Variants in LINGO2 observed in about 807,000 individuals in gnomAD.
LINGO2 encodes leucine rich repeat and Ig domain containing 2, also known as leucine-rich repeat and immunoglobulin-like domain-containing nogo receptor-interacting protein 2.
LINGO2 carries 14 observed loss-of-function variants against 30.6 expected under a neutral mutation model. That is an observed-to-expected ratio of 0.46 (90% CI 0.30 to 0.72). The LOEUF (loss-of-function observed/expected upper bound fraction) is 0.72. Ranked by LOEUF, LINGO2 falls within the 30% of genes least tolerant of loss-of-function variation. The pLI, the probability that LINGO2 is intolerant of heterozygous loss-of-function variation, is 0.07. For synonymous variants in LINGO2, 317 were observed against 288.5 expected (o/e 1.10, Z -1.00); for missense variants, 729 against 751.7 (o/e 0.97, Z 0.35).
At chr9:28,443,795 G>A (rs958068769) in intron 2 of LINGO2, among the ~76,000 whole-genome samples, 9 of 152,200 alleles carry the variant, frequency 5.9e-5, no homozygotes, top group Non-Finnish European at 8.8e-5. Flanking sequence ...CAAACAGCAC[G>A]TTGATGGTGG....
the LINGO2 span, among the ~76,000 whole-genome samples, chr9:29,054,383 C>T: frequency 0.023 from 3,553 of 152,206 alleles, 80 homozygotes; most frequent in Middle Eastern, 0.044. Context: ...GAAATTGTTT[C>T]TTACATGTTA....
chr9:28,033,691 T>C (rs187704392), intron 4 of LINGO2, among the ~76,000 whole-genome samples: 2 of 152,228 alleles, frequency 1.3e-5, no homozygotes, highest in African/African-American at 4.8e-5. Flanking sequence ...GTTTCTATTC[T>C]GCCCCAATTT....
chr9:28,332,094 T>A (rs13290022), intron 3 of LINGO2, among the ~76,000 whole-genome samples: 27,075 of 152,166 alleles, frequency 0.18, 3,050 homozygotes, highest in Non-Finnish European at 0.25. Flanking sequence ...CACAGTTATG[T>A]GCCATTTAAG....
the LINGO2 span, among the ~76,000 whole-genome samples, chr9:28,919,148 C>T: frequency 2.0e-5 from 3 of 152,132 alleles, no homozygotes; most frequent in East Asian, 5.8e-4. Flanking sequence ...ATATATGAGC[C>T]ACAGAGCATC....
intron 4 of LINGO2, among the ~76,000 whole-genome samples, chr9:28,167,753 A>G (rs1159764034): frequency 6.6e-6 from 1 of 152,172 alleles, no homozygotes; most frequent in African/African-American, 2.4e-5. Flanking sequence ...ATGGTAGGAT[A>G]ATAATTCTTG....
chr9:29,187,954 TTTTC>T, the LINGO2 span, among the ~76,000 whole-genome samples: 1 of 150,894 alleles, frequency 6.6e-6, no homozygotes, highest in Admixed American at 6.6e-5. Flanking sequence ...TTTCCAACTA[TTTTC>T]TTTTTTTTTT....
intron 3 of LINGO2, among the ~76,000 whole-genome samples, chr9:28,307,556 C>A (rs1824420018): frequency 6.6e-6 from 1 of 152,152 alleles, no homozygotes; most frequent in Admixed American, 6.5e-5. Context: ...TCCTATTCAA[C>A]ACAGTGTTGG....
the LINGO2 span, among the ~76,000 whole-genome samples, chr9:29,154,469 A>T: frequency 4.6e-5 from 7 of 151,474 alleles, no homozygotes; most frequent in African/African-American, 1.7e-4. Context: ...AAAAAAAAAA[A>T]ATCTCACATT....
chr9:28,259,182 T>A (rs1174268922), intron 4 of LINGO2, among the ~76,000 whole-genome samples: 1 of 152,004 alleles, frequency 6.6e-6, no homozygotes, highest in Non-Finnish European at 1.5e-5. Context: ...TGACTCAGTC[T>A]ATCAGTTAGA....
the LINGO2 span, among the ~76,000 whole-genome samples, chr9:29,126,568 G>A: frequency 1.3e-5 from 2 of 152,156 alleles, no homozygotes; most frequent in Admixed American, 1.3e-4. Context: ...AGTTCAAGTA[G>A]TATCTTATGT....
the LINGO2 span, among the ~76,000 whole-genome samples, chr9:29,149,180 A>C: frequency 6.6e-6 from 1 of 152,198 alleles, no homozygotes; most frequent in African/African-American, 2.4e-5. Context: ...ATTCTGACCC[A>C]TAAGAAAAAT....
intron 5 of LINGO2, among the ~76,000 whole-genome samples, chr9:28,009,258 T>C (rs553181029): frequency 1.4e-4 from 21 of 151,504 alleles, no homozygotes; most frequent in Non-Finnish European, 2.8e-4. Context: ...AAATGAGTCA[T>C]AGACAAACTA....
At position 28,518,064 on chromosome 9, in the gene LINGO2, C is replaced by A. The variant is rs145305884; in HGVS notation, c.-364-42039G>T. Among the ~76,000 whole-genome samples the A allele has an allele frequency of 1.2e-4, 18 of 152,182 alleles. No homozygotes were observed. In the East Asian group the frequency reaches 3.3e-3, roughly 28 times the overall value. On this transcript the variant is annotated intron_variant, in intron 1 of 5. Coordinates refer to ENST00000379992, the Ensembl canonical transcript of LINGO2. ...AGTCACTGGCATAACAGATAGGGTC[C>A]CAAAATGTGATGTATGGAGCAGAGT... is the stretch of plus-strand genomic sequence containing the variant.
At chr9:28,280,422 G>C (rs538668662) in intron 4 of LINGO2, among the ~76,000 whole-genome samples, 1 of 152,234 alleles carries the variant, frequency 6.6e-6, no homozygotes, top group East Asian at 1.9e-4. Flanking sequence ...ATGTTAGGGA[G>C]AAGTTTGTGA....
rs977717129 is a variant in LINGO2, at chr9:28,644,712, G to A, written c.-365+25488C>T. ...ATAATTGGACTGTTTGTAAAGCAAA[G>A]GATAAATCCTTGATGGAACAGAAGC... On this transcript the variant is annotated intron_variant, in intron 1 of 5. Coordinates refer to ENST00000379992, the Ensembl canonical transcript of LINGO2. 5.3e-5 allele frequency among the ~76,000 whole-genome samples: 8 copies of A among 152,062 alleles called. 1 individual carries two copies. The highest frequency in any genetic ancestry group is 1.9e-4 in the East Asian group (1 of 5,174).
At position 28,329,032 on chromosome 9, in the gene LINGO2, C is replaced by T. The variant is rs890495501; in HGVS notation, c.-245-33666G>A. Among the ~76,000 whole-genome samples, 5 of 152,220 alleles carry T rather than the reference C, an allele frequency of 3.3e-5. No individual in the cohort carries two copies. The highest frequency in any genetic ancestry group is 9.6e-5 in the African/African-American group (4 of 41,548). The stretch of plus-strand genomic sequence containing the variant: ...AGACTTCTCAGGTTCTCACCCCATC[C>T]GTATACGAGCTAGGCCTTATCCCTT... On this transcript the variant is annotated intron_variant, in intron 3 of 5. Transcript: ENST00000379992. The surrounding 1 kb of genome is among the most constrained non-coding windows in gnomAD (Gnocchi z 4.5).
rs10968466 is a variant in LINGO2 at position 28,298,045 on chromosome 9, T to C, written c.-245-2679A>G. On this transcript the variant is annotated intron_variant, in intron 3 of 5. Transcript: ENST00000379992. ...TCCTTGAAGAGAAGTCTATGAGGGGTCATAAGAAGTACCAATTCCATGACA... is the reference window on the plus strand; with the variant it reads ...TCCTTGAAGAGAAGTCTATGAGGGGCCATAAGAAGTACCAATTCCATGACA... Among the ~76,000 whole-genome samples, 2,454 of 152,156 alleles carry C rather than the reference T, an allele frequency of 0.016. 147 individuals carry two copies. The East Asian group carries it at 0.2, about 12-fold the overall frequency.
At chr9:28,204,229 T>C (rs1820334402) in intron 4 of LINGO2, among the ~76,000 whole-genome samples, 1 of 152,130 alleles carries the variant, frequency 6.6e-6, no homozygotes, top group Non-Finnish European at 1.5e-5. Flanking sequence ...GTTGTACATA[T>C]ACATACACAC....
the LINGO2 span, among the ~76,000 whole-genome samples, chr9:28,880,291 T>A: frequency 1.3e-5 from 2 of 152,272 alleles, no homozygotes; most frequent in South Asian, 4.1e-4. Context: ...AAAAGACTTG[T>A]ACCTTAAAGA....
Sources: allele counts gnomAD v4.1 joint callset (sites outside exome capture counted in the v4.1 genomes callset), GRCh38; gene constraint gnomAD v4.1.1; non-coding constraint Gnocchi (gnomAD v3.1); transcripts MANE v1.5; gene names NCBI Gene and HGNC (gene_info 2026-07-23, HGNC 2026-07-21).